PPARGC1A: variants seen among roughly 807,000 people sequenced by gnomAD.
The protein encoded by PPARGC1A is peroxisome proliferator-activated receptor gamma coactivator 1-alpha.
PPARGC1A carries 25 observed loss-of-function variants against 88.7 expected under a neutral mutation model. The observed-to-expected ratio is 0.28, with a 90% CI of 0.21 to 0.39. PPARGC1A has a LOEUF of 0.39. PPARGC1A is among the 10% of genes least tolerant of loss of function. The pLI is 1.00. For synonymous variants in PPARGC1A, 363 were observed against 355.6 expected (o/e 1.02, Z -0.24); for missense variants, 880 against 968.7 (o/e 0.91, Z 1.22).
chr4:24,402,634 A>T, the PPARGC1A span, among the ~76,000 whole-genome samples: 1 of 152,202 alleles, frequency 6.6e-6, no homozygotes, highest in Non-Finnish European at 1.5e-5. Flanking sequence ...CACACCAGAG[A>T]TGAGGACTGG....
chr4:24,428,298 T>C, the PPARGC1A span, among the ~76,000 whole-genome samples: 1 of 152,212 alleles, frequency 6.6e-6, no homozygotes, highest in South Asian at 2.1e-4. Flanking sequence ...GCAGAGAGAA[T>C]GGCCAAAGGC....
At chr4:24,009,434 A>G in the PPARGC1A span, among the ~76,000 whole-genome samples, 1 of 152,196 alleles carries the variant, frequency 6.6e-6, no homozygotes, top group African/African-American at 2.4e-5. Context: ...TGTGAGTGAC[A>G]TTAAAATAAT....
At chr4:23,926,233 C>T in the PPARGC1A span, among the ~76,000 whole-genome samples, 15 of 152,262 alleles carry the variant, frequency 9.9e-5, no homozygotes, top group African/African-American at 3.6e-4. Flanking sequence ...GCTGGGTACT[C>T]ACCACCAACA....
the PPARGC1A span, among the ~76,000 whole-genome samples, chr4:23,938,872 T>C: frequency 6.6e-6 from 1 of 152,170 alleles, no homozygotes; most frequent in Admixed American, 6.5e-5. Context: ...AGAGAGCATG[T>C]CTGCTGCCCA....
the PPARGC1A span, among the ~76,000 whole-genome samples, chr4:24,051,214 C>CAAAAAAAAAAAAAAAAAAA: frequency 1.7e-5 from 2 of 118,996 alleles, no homozygotes; most frequent in South Asian, 3.3e-4. Context: ...AAAAAAAAAC[C>CAAAAAAAAAAAAAAAAAAA]AAACCTAAAC....
At chr4:23,974,739 T>C in the PPARGC1A span, among the ~76,000 whole-genome samples, 1 of 148,692 alleles carries the variant, frequency 6.7e-6, no homozygotes. Flanking sequence ...TTCACGCCAT[T>C]CTCCCGCCTC....
At chr4:24,238,743 ATATGTGTGTGTGTGTGTG>A in the PPARGC1A span, among the ~76,000 whole-genome samples, 58 of 118,644 alleles carry the variant, frequency 4.9e-4, no homozygotes, top group South Asian at 0.011. Context: ...CCAAGGTTGT[ATATGTGTGTGTGTGTGTG>A]TGTGTGTGTG....
At chr4:24,003,574 A>G in the PPARGC1A span, among the ~76,000 whole-genome samples, 3 of 152,152 alleles carry the variant, frequency 2.0e-5, no homozygotes, top group Non-Finnish European at 2.9e-5. Context: ...CCACACAGAC[A>G]TCTTCCCAGA....
chr4:23,884,758 T>C lies in PPARGC1A; in HGVS notation c.228A>G (p.Ile76Met). 6.2e-7 allele frequency: 1 copy of C among 1,608,478 alleles called. No individual in the cohort carries two copies. The highest frequency in any genetic ancestry group is 8.5e-7 in the Non-Finnish European group (1 of 1,176,998). The change falls in exon 2 of 13, where the codon ATA becomes ATG. Residue 76 changes from isoleucine (I) to methionine (M), a missense_variant. Ile to Met is a conservative substitution (Grantham distance 10, BLOSUM62 1). Coordinates refer to ENST00000264867, the MANE Select transcript of PPARGC1A (RefSeq NM_013261.5). ...TTCCAAAGGATGTCCTTACCTCAAA[T>C]ATGTTTGAAGGCTCATTGTTGTACT... ...SNQYNNEPSN[I>M]FEKIDEENEA...
At chr4:24,255,817 C>G in the PPARGC1A span, among the ~76,000 whole-genome samples, 1 of 152,206 alleles carries the variant, frequency 6.6e-6, no homozygotes, top group Non-Finnish European at 1.5e-5. Context: ...GATGATGGAG[C>G]AAGTCGCTCC....
intron 10 of PPARGC1A, among the ~76,000 whole-genome samples, chr4:23,811,623 T>C (rs1577360253): frequency 2.0e-5 from 3 of 152,144 alleles, no homozygotes; most frequent in Admixed American, 6.6e-5. Context: ...AAGTCTAGGT[T>C]GATAAACAGC....
chr4:23,962,268 A>G, the PPARGC1A span, among the ~76,000 whole-genome samples: 1 of 152,158 alleles, frequency 6.6e-6, no homozygotes, highest in African/African-American at 2.4e-5. Context: ...AAAGAAAGTA[A>G]AGCAACCCGG....
At chr4:23,841,885 G>A (rs1727107867) in intron 2 of PPARGC1A, among the ~76,000 whole-genome samples, 1 of 151,986 alleles carries the variant, frequency 6.6e-6, no homozygotes, top group East Asian at 1.9e-4. Flanking sequence ...CTATATTCCT[G>A]ATGTTGAGTT....
chr4:23,829,603 G>T lies in PPARGC1A; in HGVS notation c.430-18C>A, dbSNP rs763981344. 3.7e-5 allele frequency: 59 copies of T among 1,604,620 alleles called. 1 individual carries two copies. The South Asian group carries it at 6.4e-4, about 17-fold the overall frequency. ...TTCTTAAGCTAGAAACATTATCAGG[G>T]AAAGGGAAAAGCAAGTAAAGTTATG... On this transcript the variant is annotated intron_variant, in intron 3 of 12. Coordinates refer to ENST00000264867, the MANE Select transcript of PPARGC1A (RefSeq NM_013261.5).
At chr4:24,064,205 G>C in the PPARGC1A span, among the ~76,000 whole-genome samples, 1 of 151,082 alleles carries the variant, frequency 6.6e-6, no homozygotes, top group Non-Finnish European at 1.5e-5. Flanking sequence ...AATTCAATAA[G>C]AAAAAAAACA....
At chr4:23,896,250 T>G (rs535884888) in intron 1 of PPARGC1A, among the ~76,000 whole-genome samples, 50 of 152,166 alleles carry the variant, frequency 3.3e-4, no homozygotes, top group Admixed American at 1.2e-3. Flanking sequence ...CTTTCTGTAA[T>G]TTTCAAATTT....
the PPARGC1A span, among the ~76,000 whole-genome samples, chr4:24,438,774 G>T: frequency 6.6e-6 from 1 of 151,602 alleles, no homozygotes; most frequent in African/African-American, 2.4e-5. Flanking sequence ...TATCATGGTG[G>T]GATCTGAGTC....
At chr4:24,434,535 G>T in the PPARGC1A span, among the ~76,000 whole-genome samples, 1 of 152,150 alleles carries the variant, frequency 6.6e-6, no homozygotes, top group South Asian at 2.1e-4. Context: ...CACAAATGGC[G>T]CTCGCGTGAC....
the PPARGC1A span, among the ~76,000 whole-genome samples, chr4:24,191,540 C>A: frequency 6.6e-6 from 1 of 152,150 alleles, no homozygotes; most frequent in Non-Finnish European, 1.5e-5. Flanking sequence ...ATGGATTGCA[C>A]ACTTGGACAT....
Sources: gnomAD v4.1 joint callset for allele counts (sites outside exome capture counted in the v4.1 genomes callset) on GRCh38, gnomAD v4.1.1 for gene constraint, MANE v1.5 for transcripts, NCBI Gene and HGNC (gene_info 2026-07-23, HGNC 2026-07-21) for gene names.